Variants in MYO7B observed in about 807,000 individuals in gnomAD.
The protein encoded by MYO7B is unconventional myosin-VIIb.
Under a neutral mutation model 259.7 loss-of-function variants are expected in MYO7B, and 212 were observed. That is an observed-to-expected ratio of 0.82 (90% CI 0.73 to 0.91). The LOEUF (loss-of-function observed/expected upper bound fraction) is 0.91. MYO7B is among the 40% of genes least tolerant of loss of function. MYO7B has a pLI of 0.00. For synonymous variants in MYO7B, 1,197 were observed against 1,166.4 expected (o/e 1.03, Z -0.54); for missense variants, 2,732 against 2,813.5 (o/e 0.97, Z 0.66).
At chr2:127,560,547 A>G (rs1362321313) in intron 2 of MYO7B, among the ~76,000 whole-genome samples, 3 of 152,156 alleles carry the variant, frequency 2.0e-5, no homozygotes, top group African/African-American at 4.8e-5. Flanking sequence ...TTTACTGTCA[A>G]ATCAACAGAC....
At position 127,629,837 on chromosome 2, in the gene MYO7B, C is replaced by T. The variant is rs760593714; in HGVS notation, c.4806+11C>T. The T allele has an allele frequency of 8.9e-5, 138 of 1,546,396 alleles. No individual in the cohort carries two copies. The highest frequency in any genetic ancestry group is 6.3e-4 in the Admixed American group (33 of 52,726). On this transcript the variant is annotated intron_variant, in intron 35 of 47. Transcript: ENST00000409816. Reference sequence around the variant, plus strand: ...TCGGCACAGCTGCTGGTAACTGGCACGCTCCCCTGTCCTCAGCCTGGGTAC... The same window carrying T: ...TCGGCACAGCTGCTGGTAACTGGCATGCTCCCCTGTCCTCAGCCTGGGTAC...
chr2:127,636,390 C>T lies in MYO7B; in HGVS notation c.6123+66C>T. 1 of 1,506,766 alleles carries T rather than the reference C, an allele frequency of 6.6e-7. No individual in the cohort carries two copies. Among genetic ancestry groups the T allele is most frequent in the East Asian group, 2.3e-5 (1 of 43,904 alleles). 93.3% of individuals were successfully genotyped at this position (1,506,766 alleles called of 1,614,324 possible). A position where few individuals can be genotyped will look rare whatever the true frequency, so the allele number is the denominator to read the frequency against. On this transcript the variant is annotated intron_variant, in intron 45 of 47. Coordinates refer to ENST00000409816, the MANE Select transcript of MYO7B (RefSeq NM_001393586.1). This position sits in a 1 kb window ranked among gnomAD's most constrained non-coding sequence, Gnocchi z 4.5. ...CTCCGCTCAGCCCAGCCCCAGCAGG[C>T]CCAGCGTCAACCAGCACACATCTTG... is the stretch of plus-strand genomic sequence containing the variant.
chr2:127,622,005 A>G lies in MYO7B; in HGVS notation c.3549A>G (p.Gln1183=). 6.4e-7 allele frequency: 1 copy of G among 1,551,756 alleles called. No homozygotes were observed. Among genetic ancestry groups the G allele is most frequent in the Non-Finnish European group, 8.7e-7 (1 of 1,146,992 alleles). The change falls in exon 28 of 48, where the codon CAA becomes CAG. Residue 1183 remains glutamine (Q), a synonymous_variant. Transcript: ENST00000409816. ...FMKYLLNFIG[Q]GPATYGPFCA... ...AGTATCTACTGAACTTCATCGGCCA[A>G]GGGCCGGCGACCTACGGCCCCTTCT... is the stretch of plus-strand genomic sequence containing the variant.
Position 127,586,383 on chromosome 2 carries a change from G to A in MYO7B, c.1690+1470G>A, listed in dbSNP as rs1443593265. On this transcript the variant is annotated intron_variant, in intron 14 of 47. Coordinates refer to ENST00000409816, the MANE Select transcript of MYO7B (RefSeq NM_001393586.1). This position sits in a 1 kb window ranked among gnomAD's most constrained non-coding sequence, Gnocchi z 4.8. Reference sequence around the variant, plus strand: ...CAGAGGGTCACTCTCTGCCCCTCATGTGGAGGAATGAGGAGGTGTTCTGGT... The same window carrying A: ...CAGAGGGTCACTCTCTGCCCCTCATATGGAGGAATGAGGAGGTGTTCTGGT... Among the ~76,000 whole-genome samples, 1 of 152,238 alleles carries A rather than the reference G, an allele frequency of 6.6e-6. No homozygotes were observed. Among genetic ancestry groups the A allele is most frequent in the African/African-American group, 2.4e-5 (1 of 41,460 alleles).
chr2:127,628,202 T>A lies in MYO7B; in HGVS notation c.4461-170T>A. 1.2e-6 allele frequency: 1 copy of A among 815,856 alleles called. No individual in the cohort carries two copies. The highest frequency in any genetic ancestry group is 2.0e-6 in the Non-Finnish European group (1 of 490,888). 50.5% of individuals were successfully genotyped at this position (815,856 alleles called of 1,614,324 possible). A position where few individuals can be genotyped will look rare whatever the true frequency, so the allele number is the denominator to read the frequency against. On this transcript the variant is annotated intron_variant, in intron 33 of 47. Coordinates refer to ENST00000409816, the MANE Select transcript of MYO7B (RefSeq NM_001393586.1). The surrounding 1 kb of genome is among the most constrained non-coding windows in gnomAD (Gnocchi z 4.8). ...CGAGAGGTCCTGTGCTCCGCCGTCC[T>A]TCATTTGTCCAGACCCACAGTGGTG...
chr2:127,634,348 G>A (rs1040285823), intron 41 of MYO7B, 59 bp downstream of exon 41: 8 of 1,310,238 alleles, frequency 6.1e-6, no homozygotes, highest in Non-Finnish European at 8.4e-6. Flanking sequence ...GAGGCCCTAG[G>A]TGCTGCCTGT....
chr2:127,597,445 C>T lies in MYO7B; in HGVS notation c.2339+889C>T, dbSNP rs1679814540. On this transcript the variant is annotated intron_variant, in intron 19 of 47. Coordinates refer to ENST00000409816, the MANE Select transcript of MYO7B (RefSeq NM_001393586.1). The surrounding 1 kb of genome is among the most constrained non-coding windows in gnomAD (Gnocchi z 4.8). ...GCCACGCCCCCTCCCTCACACCTGCCCCCAGTGCTGCTTAACCCCAGCAAC... is the reference window on the plus strand; with the variant it reads ...GCCACGCCCCCTCCCTCACACCTGCTCCCAGTGCTGCTTAACCCCAGCAAC... Among the ~76,000 whole-genome samples the T allele has an allele frequency of 6.6e-6, 1 of 152,094 alleles. No individual in the cohort carries two copies. The highest frequency in any genetic ancestry group is 2.4e-5 in the African/African-American group (1 of 41,404).
intron 1 of MYO7B, among the ~76,000 whole-genome samples, chr2:127,554,409 C>T (rs1412613975): frequency 6.6e-6 from 1 of 152,196 alleles, no homozygotes; most frequent in Admixed American, 6.5e-5. Flanking sequence ...GTTAAACCAT[C>T]CCTGCATCCC....
At chr2:127,608,413 G>T (rs1025300183) in intron 21 of MYO7B, among the ~76,000 whole-genome samples, 6 of 152,176 alleles carry the variant, frequency 3.9e-5, no homozygotes, top group Non-Finnish European at 7.4e-5. Context: ...GTTCCTGGGG[G>T]TCCCTGGAGT....
chr2:127,540,164 G>GTTT (rs1216410358), intron 1 of MYO7B, among the ~76,000 whole-genome samples: 1 of 125,688 alleles, frequency 8.0e-6, no homozygotes, highest in African/African-American at 2.7e-5. Context: ...TCTTTTTCTG[G>GTTT]TTTTATTTTT....
intron 26 of MYO7B, among the ~76,000 whole-genome samples, chr2:127,617,729 C>A (rs1327793147): frequency 6.6e-6 from 1 of 151,358 alleles, no homozygotes; most frequent in Admixed American, 6.6e-5. Context: ...GTCTCGATCT[C>A]CTGACCTCAT....
chr2:127,564,131 C>T (rs751015683), intron 2 of MYO7B, 22 bp from the exon 3 acceptor site: 33 of 1,487,080 alleles, frequency 2.2e-5, no homozygotes, highest in Non-Finnish European at 2.8e-5. Context: ...GATCACACCA[C>T]TGTCTTCTGT....
At position 127,539,714 on chromosome 2, in the gene MYO7B, A is replaced by T. The variant is rs1402269276; in HGVS notation, c.-24+3883A>T. On this transcript the variant is annotated intron_variant, in intron 1 of 47. Coordinates refer to ENST00000409816, the MANE Select transcript of MYO7B (RefSeq NM_001393586.1). This position sits in a 1 kb window ranked among gnomAD's most constrained non-coding sequence, Gnocchi z 4.0. The stretch of plus-strand genomic sequence containing the variant: ...AAAAACTCCATAGTTTTTAAGGTAC[A>T]GGTGTTTTTTGGTTACATGGATAAG... Among the ~76,000 whole-genome samples the T allele has an allele frequency of 1.3e-5, 2 of 151,992 alleles. No individual in the cohort carries two copies. Among genetic ancestry groups the T allele is most frequent in the Admixed American group, 6.6e-5 (1 of 15,260 alleles).
Position 127,633,171 on chromosome 2 carries a change from C to T in MYO7B, c.5406-87C>T, listed in dbSNP as rs1681612430. 8.7e-6 allele frequency: 9 copies of T among 1,029,580 alleles called. No individual in the cohort carries two copies. In the South Asian group the frequency reaches 1.3e-4, roughly 15 times the overall value. The allele number at this position is 1,029,580 out of a possible 1,614,324, so 63.8% of individuals were successfully genotyped here. Reference sequence around the variant, plus strand: ...CACTGGGGTTTTCTTTTGTTTCTGGCACATGGTTTAGGGCCCACATCGGGG... The same window carrying T: ...CACTGGGGTTTTCTTTTGTTTCTGGTACATGGTTTAGGGCCCACATCGGGG... On this transcript the variant is annotated intron_variant, in intron 39 of 47. Coordinates refer to ENST00000409816, the MANE Select transcript of MYO7B (RefSeq NM_001393586.1).
At position 127,624,185 on chromosome 2, in the gene MYO7B, G is replaced by A. The variant is rs775026628; in HGVS notation, c.3912G>A (p.Gln1304=). 6.3e-7 allele frequency: 1 copy of A among 1,597,408 alleles called. No individual in the cohort carries two copies. Among genetic ancestry groups the A allele is most frequent in the Non-Finnish European group, 8.5e-7 (1 of 1,172,682 alleles). ...AGGAGAGGGGCGAGAGCCAGCGCCA[G>A]TCACCCTGGCGCATCTACTTCCGGA... ...MAQERGESQR[Q]SPWRIYFRKE... is the part of the protein sequence containing the mutation. Residue 1304 remains glutamine, a synonymous_variant, in exon 30 of 48, where the codon CAG becomes CAA. Transcript: ENST00000409816.
chr2:127,555,943 G>GT (rs1409110464), intron 1 of MYO7B, among the ~76,000 whole-genome samples: 2 of 152,122 alleles, frequency 1.3e-5, no homozygotes, highest in African/African-American at 2.4e-5. Context: ...TAAATCCATT[G>GT]TTTTTTTGTT....
At position 127,590,120 on chromosome 2, in the gene MYO7B, C is replaced by T. The variant is rs1452506177; in HGVS notation, c.1883C>T (p.Thr628Ile). Residue 628 changes from threonine (T) to isoleucine (I), a missense_variant, in exon 16 of 48, where the codon ACC (threonine) becomes ATC (isoleucine). Transcript: ENST00000409816. This position sits in a 1 kb window ranked among gnomAD's most constrained non-coding sequence, Gnocchi z 4.6. ...GCAGACTCAAATAAACGGCCCTCCA[C>T]CTTAGGAAGCCAGTTCAAACAGTCT... ...KSADSNKRPSTLGSQFKQSLD... is the reference protein window; with the variant it reads ...KSADSNKRPSILGSQFKQSLD... 27 of 1,599,690 alleles carry T rather than the reference C, an allele frequency of 1.7e-5. No homozygotes were observed. Among genetic ancestry groups the T allele is most frequent in the Non-Finnish European group, 2.3e-5 (27 of 1,173,676 alleles).
chr2:127,628,060 C>T lies in MYO7B; in HGVS notation c.4461-312C>T, dbSNP rs1214818466. The T allele has an allele frequency of 1.8e-6, 1 of 560,850 alleles. No homozygotes were observed. The highest frequency in any genetic ancestry group is 4.3e-5 in the East Asian group (1 of 23,160). The allele number at this position is 560,850 out of a possible 1,614,324, so 34.7% of individuals were successfully genotyped here. A position where few individuals can be genotyped will look rare whatever the true frequency, so the allele number is the denominator to read the frequency against. ...GGCTCAGAGTAAGCACATGGCAGAG[C>T]CGGCAGCTCATCTCAGCTCTGACCT... is the stretch of plus-strand genomic sequence containing the variant. On this transcript the variant is annotated intron_variant, in intron 33 of 47. Coordinates refer to ENST00000409816, the MANE Select transcript of MYO7B (RefSeq NM_001393586.1). The surrounding 1 kb of genome is among the most constrained non-coding windows in gnomAD (Gnocchi z 4.8).
chr2:127,548,419 CT>C (rs796457298), intron 1 of MYO7B, among the ~76,000 whole-genome samples: 497 of 136,584 alleles, frequency 3.6e-3, no homozygotes, highest in African/African-American at 8.6e-3. Flanking sequence ...TTAGATTTTT[CT>C]TTTTTTTTTT....
Sources: gnomAD v4.1 joint callset for allele counts (sites outside exome capture counted in the v4.1 genomes callset) on GRCh38, gnomAD v4.1.1 for gene constraint, Gnocchi (gnomAD v3.1) non-coding constraint, MANE v1.5 for transcripts, NCBI Gene and HGNC (gene_info 2026-07-23, HGNC 2026-07-21) for gene names.